LIMCH1: variants seen among roughly 807,000 people sequenced by gnomAD.
LIMCH1 encodes the protein LIM and calponin homology domains 1.
A neutral mutation model predicts 176.5 loss-of-function variants in LIMCH1; 113 were observed. The ratio of observed to expected loss-of-function variants is 0.64; its 90% CI spans 0.55 to 0.75. The LOEUF (loss-of-function observed/expected upper bound fraction) is 0.75. LIMCH1 is among the 30% of genes least tolerant of loss of function. The pLI, the probability that LIMCH1 is intolerant of heterozygous loss-of-function variation, is 0.00. For synonymous variants in LIMCH1, 619 were observed against 645.9 expected (o/e 0.96, Z 0.63); for missense variants, 1,674 against 1,814.9 (o/e 0.92, Z 1.41).
At position 41,524,402 on chromosome 4, in the gene LIMCH1, A is replaced by G. The variant is rs377766785; in HGVS notation, c.168-7A>G. The G allele has an allele frequency of 5.6e-6, 9 of 1,612,980 alleles. No homozygotes were observed. In the African/African-American group the frequency reaches 9.3e-5, roughly 17 times the overall value. The stretch of plus-strand genomic sequence containing the variant: ...TCTCACTTGACATTCTGCCTTTTTC[A>G]TGACAGGTTGCTGAATGCTATAAAG... On this transcript the variant is annotated splice_region_variant and splice_polypyrimidine_tract_variant and intron_variant, in intron 2 of 26. Coordinates refer to the LIMCH1 transcript ENST00000313860.
chr4:41,483,723 A>G (rs1170096019), intron 1 of LIMCH1, among the ~76,000 whole-genome samples: 1 of 152,174 alleles, frequency 6.6e-6, no homozygotes, highest in East Asian at 1.9e-4. Context: ...AGGTCTTTGT[A>G]TCTGCCTGGA....
rs1582866472 is a variant in LIMCH1 at position 41,479,015 on chromosome 4, AAAAG to A, written c.97-15516_97-15513del. Among the ~76,000 whole-genome samples, 4 of 152,312 alleles carry A rather than the reference AAAAG, an allele frequency of 2.6e-5. 1 individual carries two copies. On this transcript the variant is annotated intron_variant, in intron 1 of 26. Coordinates refer to the LIMCH1 transcript ENST00000313860. ...TGTGTTGAAACATTCAAAAGAAAGA[AAAAG>A]AAAGGGAAGGGAAGGGGAGGGGAGG... is the stretch of plus-strand genomic sequence containing the variant.
chr4:41,542,068 G>A (rs1270763454), intron 1 of LIMCH1, among the ~76,000 whole-genome samples: 1 of 152,094 alleles, frequency 6.6e-6, no homozygotes, highest in Non-Finnish European at 1.5e-5. Context: ...GCCACTCTGG[G>A]CTGGATGGGA....
At chr4:41,674,722 A>C (rs1405103273) in intron 22 of LIMCH1, among the ~76,000 whole-genome samples, 2 of 152,238 alleles carry the variant, frequency 1.3e-5, no homozygotes. Context: ...CAATTGGGCA[A>C]AATCATCTCA....
intron 1 of LIMCH1, among the ~76,000 whole-genome samples, chr4:41,478,294 A>G (rs186906440): frequency 4.5e-4 from 61 of 136,562 alleles, no homozygotes; most frequent in African/African-American, 1.9e-3. Flanking sequence ...CTCAATGATC[A>G]CTCCTTCCCT....
chr4:41,472,927 T>A (rs1455427080), intron 1 of LIMCH1: 1 of 643,842 alleles, frequency 1.6e-6, no homozygotes, highest in East Asian at 1.4e-4. Context: ...TCTCTTAACA[T>A]CCCATGGAGC....
chr4:41,552,282 A>C (rs1015241072), intron 1 of LIMCH1, among the ~76,000 whole-genome samples: 1 of 152,186 alleles, frequency 6.6e-6, no homozygotes, highest in Admixed American at 6.5e-5. Flanking sequence ...CTATGTGTTC[A>C]TGAGCTGTGT....
chr4:41,499,109 C>T (rs867433017), intron 2 of LIMCH1, among the ~76,000 whole-genome samples: 2 of 152,140 alleles, frequency 1.3e-5, no homozygotes, highest in Non-Finnish European at 2.9e-5. Flanking sequence ...GTGCAAAATG[C>T]TATTTGGGTA....
intron 1 of LIMCH1, among the ~76,000 whole-genome samples, chr4:41,443,859 T>C (rs1238189841): frequency 1.3e-5 from 2 of 152,224 alleles, no homozygotes; most frequent in Non-Finnish European, 2.9e-5. Flanking sequence ...ACTATTCATA[T>C]AAGCAACTCA....
intron 2 of LIMCH1, among the ~76,000 whole-genome samples, chr4:41,514,201 C>T (rs1358112042): frequency 6.6e-6 from 1 of 151,994 alleles, no homozygotes; most frequent in African/African-American, 2.4e-5. Flanking sequence ...CTAACAAGGA[C>T]TGGCCCTTAC....
intron 1 of LIMCH1, among the ~76,000 whole-genome samples, chr4:41,544,825 C>T (rs2079144702): frequency 6.6e-6 from 1 of 152,194 alleles, no homozygotes; most frequent in South Asian, 2.1e-4. Context: ...GCTGGGGCAG[C>T]TGCTGAGGAC....
intron 1 of LIMCH1, among the ~76,000 whole-genome samples, chr4:41,577,621 G>A (rs544654600): frequency 6.6e-6 from 1 of 151,924 alleles, no homozygotes; most frequent in East Asian, 1.9e-4. Flanking sequence ...GTAGAGATGG[G>A]GTCACCCTAT....
At chr4:41,415,547 G>C (rs971643904) in intron 1 of LIMCH1, among the ~76,000 whole-genome samples, 7 of 152,146 alleles carry the variant, frequency 4.6e-5, no homozygotes, top group African/African-American at 1.7e-4. Context: ...CTGAAACCCA[G>C]CCTTGCCCAT....
chr4:41,537,266 T>C (rs998335763), upstream of LIMCH1, among the ~76,000 whole-genome samples: 4 of 152,240 alleles, frequency 2.6e-5, no homozygotes, highest in Non-Finnish European at 5.9e-5. Context: ...TTTTATAGCA[T>C]TTGAAAATTC....
chr4:41,637,828 A>G (rs67451576), intron 13 of LIMCH1, among the ~76,000 whole-genome samples: 23,650 of 152,218 alleles, frequency 0.16, 2,011 homozygotes, highest in Admixed American at 0.26. Context: ...TTTCTCTAAG[A>G]TTCTCTAAGA....
rs548916046 is a variant in LIMCH1 at position 41,397,866 on chromosome 4, TAGAG to T, written c.96+36931_96+36934del. On this transcript the variant is annotated intron_variant, in intron 1 of 26. Coordinates refer to the LIMCH1 transcript ENST00000313860. ...TCTCTAGATTATTTTCTTAGATGCGTAGAGTTTATAATGGTTATGTCTTTCTGGT... is the reference window on the plus strand; with the variant it reads ...TCTCTAGATTATTTTCTTAGATGCGTTTTATAATGGTTATGTCTTTCTGGT... 2.4e-3 allele frequency among the ~76,000 whole-genome samples: 371 copies of T among 152,260 alleles called. 5 individuals carry two copies. The highest frequency in any genetic ancestry group is 8.4e-3 in the African/African-American group (349 of 41,554).
chr4:41,633,462 CT>C, intron 12 of LIMCH1, 85 bp from the exon 13 acceptor site: 3 of 1,464,744 alleles, frequency 2.0e-6, no homozygotes, highest in Non-Finnish European at 2.7e-6. Flanking sequence ...CTTCTTCTGT[CT>C]TGAATTAACG....
chr4:41,672,003 A>G (rs958236622), intron 22 of LIMCH1, among the ~76,000 whole-genome samples: 4 of 152,146 alleles, frequency 2.6e-5, no homozygotes, highest in African/African-American at 4.8e-5. Context: ...AAAGACATGG[A>G]TTATCATTAT....
intron 13 of LIMCH1, among the ~76,000 whole-genome samples, chr4:41,634,729 C>G (rs2093491823): frequency 6.6e-6 from 1 of 152,206 alleles, no homozygotes; most frequent in African/African-American, 2.4e-5. Flanking sequence ...CTCAAGCTCA[C>G]CTTGTCCTGG....
Sources: allele counts gnomAD v4.1 joint callset (sites outside exome capture counted in the v4.1 genomes callset), GRCh38; gene constraint gnomAD v4.1.1; transcripts MANE v1.5; gene names NCBI Gene and HGNC (gene_info 2026-07-23, HGNC 2026-07-21).